SH3GL1: variants seen among roughly 807,000 people sequenced by gnomAD.
SH3GL1 encodes SH3 domain containing GRB2 like 1, endophilin A2, also known as endophilin-A2.
A neutral mutation model predicts 48.8 loss-of-function variants in SH3GL1; 21 were observed. The observed-to-expected ratio is 0.43, with a 90% CI of 0.30 to 0.62. SH3GL1 has a LOEUF of 0.62. Among genes scored for constraint, SH3GL1 ranks in the 20% least tolerant of loss-of-function variants. The pLI, the probability that SH3GL1 is intolerant of heterozygous loss-of-function variation, is 0.11. For missense variants in SH3GL1, 454 were observed against 503.0 expected (o/e 0.90, Z 0.93); for synonymous variants, 282 against 217.5 (o/e 1.30, Z -2.61).
At chr19:4,373,584 G>C (rs1972945416) in intron 1 of SH3GL1, among the ~76,000 whole-genome samples, 1 of 152,334 alleles carries the variant, frequency 6.6e-6, no homozygotes, top group Middle Eastern at 3.4e-3. Context: ...ACCCACCTCT[G>C]TGGCGGGTCA....
At chr19:4,378,748 C>T (rs1186420744) in intron 1 of SH3GL1, among the ~76,000 whole-genome samples, 2 of 152,084 alleles carry the variant, frequency 1.3e-5, no homozygotes, top group African/African-American at 4.8e-5. Flanking sequence ...AAACCATACA[C>T]CACCCTACGA....
Position 4,363,717 on chromosome 19 carries a change from C to T in SH3GL1, c.624+3G>A. Reference sequence around the variant, plus strand: ...TCAGGATGTGACACCCCGAGCTACTCACGTCAGTCTCCAGGAGGTTGTGCA... The same window carrying T: ...TCAGGATGTGACACCCCGAGCTACTTACGTCAGTCTCCAGGAGGTTGTGCA... On this transcript the variant is annotated splice_donor_region_variant and intron_variant, in intron 6 of 9. Coordinates refer to ENST00000269886, the MANE Select transcript of SH3GL1 (RefSeq NM_003025.4). The T allele has an allele frequency of 6.2e-7, 1 of 1,613,084 alleles. No homozygotes were observed.
At position 4,364,102 on chromosome 19, in the gene SH3GL1, G is replaced by T; in HGVS notation, c.451C>A (p.Leu151Met). 6.2e-7 allele frequency: 1 copy of T among 1,612,970 alleles called. No individual in the cohort carries two copies. The highest frequency in any genetic ancestry group is 1.3e-5 in the African/African-American group (1 of 75,022). Residue 151 changes from leucine (L) to methionine (M), a missense_variant, in exon 5 of 10, where the codon CTG becomes ATG. Leu to Met is a conservative substitution (Grantham distance 15). Transcript: ENST00000269886. ...DPLQNLCEKD[L>M]KEIQHHLKKL... Reference sequence around the variant, plus strand: ...AGGAGCAGCACCTGGATCTCCTTCAGGTCTTTCTCGCACAGGTTCTGGAGG... The same window carrying T: ...AGGAGCAGCACCTGGATCTCCTTCATGTCTTTCTCGCACAGGTTCTGGAGG...
intron 4 of SH3GL1, 33 bp from the exon 5 acceptor site, chr19:4,364,254 C>T (rs371188926): frequency 1.0e-4 from 161 of 1,613,366 alleles, no homozygotes; most frequent in Admixed American, 1.7e-4. Context: ...GCCATCATAC[C>T]GGGCCTGGGA....
chr19:4,377,428 C>G (rs867869139), intron 1 of SH3GL1, among the ~76,000 whole-genome samples: 7 of 152,236 alleles, frequency 4.6e-5, no homozygotes, highest in Admixed American at 6.5e-5. Flanking sequence ...ATCTGGCACA[C>G]TTACACAGGG....
rs572888917 is a variant in SH3GL1 at position 4,361,478 on chromosome 19, G to A, written c.*122C>T. ...CTCAGGGAGTACCTCAAGGGCCGGG[G>A]CCCAGGTGGCGCCGGCAGGCTCAGA... On this transcript the variant is annotated 3_prime_UTR_variant, in exon 10 of 10. Coordinates refer to ENST00000269886, the MANE Select transcript of SH3GL1 (RefSeq NM_003025.4). 7.9e-5 allele frequency: 57 copies of A among 718,278 alleles called. No individual in the cohort carries two copies. The South Asian group carries it at 9.8e-4, about 12-fold the overall frequency. 44.5% of individuals were successfully genotyped at this position (718,278 alleles called of 1,614,324 possible). A position where few individuals can be genotyped will look rare whatever the true frequency, so the allele number is the denominator to read the frequency against.
intron 1 of SH3GL1, among the ~76,000 whole-genome samples, chr19:4,372,020 C>T (rs1167232567): frequency 6.6e-6 from 1 of 152,184 alleles, no homozygotes; most frequent in African/African-American, 2.4e-5. Flanking sequence ...CACTATGTTG[C>T]CCAGGCTGGT....
intron 2 of SH3GL1, 112 bp from the exon 3 acceptor site, chr19:4,366,685 AC>A (rs1049260229): frequency 3.3e-5 from 35 of 1,046,888 alleles, no homozygotes; most frequent in Admixed American, 1.5e-4. Context: ...GGACCCCCCA[AC>A]CCCCTCTCCA....
chr19:4,384,613 C>T (rs1296418668), intron 1 of SH3GL1, among the ~76,000 whole-genome samples: 1 of 152,160 alleles, frequency 6.6e-6, no homozygotes, highest in Non-Finnish European at 1.5e-5. Flanking sequence ...ACTGGAGAAG[C>T]TCTCAGATAC....
chr19:4,395,149 T>C (rs1172669458), intron 1 of SH3GL1, among the ~76,000 whole-genome samples: 1 of 84,848 alleles, frequency 1.2e-5, no homozygotes, highest in Non-Finnish European at 2.3e-5. Flanking sequence ...CTTTTCTAAG[T>C]CACTGTAAAT....
intron 1 of SH3GL1, among the ~76,000 whole-genome samples, chr19:4,398,621 C>G (rs1433228408): frequency 6.6e-6 from 1 of 152,018 alleles, no homozygotes; most frequent in Non-Finnish European, 1.5e-5. Context: ...GATCCGCCCG[C>G]CTCGGCCTCC....
chr19:4,364,880 G>GTC (rs1972731287), intron 4 of SH3GL1, among the ~76,000 whole-genome samples: 1 of 68,676 alleles, frequency 1.5e-5, no homozygotes, highest in African/African-American at 5.3e-5. Context: ...GTGTGTGTGT[G>GTC]TGTGTGTGTG....
At chr19:4,396,600 G>T (rs1244414568) in intron 1 of SH3GL1, among the ~76,000 whole-genome samples, 1 of 152,016 alleles carries the variant, frequency 6.6e-6, no homozygotes, top group African/African-American at 2.4e-5. Flanking sequence ...TAGGAAAATC[G>T]TAAGAATGGC....
chr19:4,373,802 G>A (rs371557205), intron 1 of SH3GL1, among the ~76,000 whole-genome samples: 1 of 152,246 alleles, frequency 6.6e-6, no homozygotes, highest in Non-Finnish European at 1.5e-5. Context: ...CCAGGCTGTG[G>A]GGACAGGCCT....
At chr19:4,371,327 G>A (rs980462064) in intron 1 of SH3GL1, among the ~76,000 whole-genome samples, 4 of 152,264 alleles carry the variant, frequency 2.6e-5, no homozygotes, top group African/African-American at 9.6e-5. Context: ...CCAGAGGGGT[G>A]TGGGCAGCTG....
At chr19:4,372,475 CTG>C (rs1309699382) in intron 1 of SH3GL1, among the ~76,000 whole-genome samples, 2 of 152,202 alleles carry the variant, frequency 1.3e-5, no homozygotes, top group Non-Finnish European at 2.9e-5. Context: ...TATCAGACCT[CTG>C]TGCAAAACAG....
intron 1 of SH3GL1, among the ~76,000 whole-genome samples, chr19:4,384,844 C>A (rs1212604218): frequency 6.6e-6 from 1 of 152,196 alleles, no homozygotes; most frequent in African/African-American, 2.4e-5. Context: ...TGGCTTACGC[C>A]TGTAATCCCA....
rs1298368161 is a variant in SH3GL1, at chr19:4,367,051, C to G, written c.46-57G>C. The G allele has an allele frequency of 6.5e-7, 1 of 1,536,364 alleles. No individual in the cohort carries two copies. Among genetic ancestry groups the G allele is most frequent in the African/African-American group, 1.4e-5 (1 of 73,408 alleles). The stretch of plus-strand genomic sequence containing the variant: ...CCCAGGGGTAGGAGGAAGAAGAGGA[C>G]AGGAGGCCCTGAGCCGCCTTCCAGC... On this transcript the variant is annotated intron_variant, in intron 1 of 9. Coordinates refer to ENST00000269886, the MANE Select transcript of SH3GL1 (RefSeq NM_003025.4). This position sits in a 1 kb window ranked among gnomAD's most constrained non-coding sequence, Gnocchi z 4.2.
Position 4,361,740 on chromosome 19 carries a change from C to A in SH3GL1, c.967G>T (p.Gly323Trp). 1.2e-6 allele frequency: 2 copies of A among 1,612,936 alleles called. No homozygotes were observed. Among genetic ancestry groups the A allele is most frequent in the Non-Finnish European group, 8.5e-7 (1 of 1,179,866 alleles). ...ALYDFEPEND[G>W]ELGFHEGDVI... is the part of the protein sequence containing the mutation. ...TCGCCCTCATGGAAGCCCAGCTCCCCGTCGTTCTCGGGCTCGAAGTCGTAC... is the reference window on the plus strand; with the variant it reads ...TCGCCCTCATGGAAGCCCAGCTCCCAGTCGTTCTCGGGCTCGAAGTCGTAC... Residue 323 changes from glycine (G) to tryptophan (W), a missense_variant, in exon 10 of 10, where the codon GGG becomes TGG. Gly to Trp is a radical substitution (Grantham distance 184). Around this residue, in one of 2 missense-constraint regions of SH3GL1, gnomAD observed 278 missense variants for 246.8 expected, o/e 1.13. Coordinates refer to ENST00000269886, the MANE Select transcript of SH3GL1 (RefSeq NM_003025.4).
Sources: gnomAD v4.1 joint callset for allele counts (sites outside exome capture counted in the v4.1 genomes callset) on GRCh38, gnomAD v4.1.1 for gene constraint, gnomAD v4.1.1 regional missense constraint, Gnocchi (gnomAD v3.1) non-coding constraint, MANE v1.5 for transcripts, NCBI Gene and HGNC (gene_info 2026-07-23, HGNC 2026-07-21) for gene names.